MYO7B: variants seen among roughly 807,000 people sequenced by gnomAD.
MYO7B encodes myosin VIIB.
A neutral mutation model predicts 259.7 loss-of-function variants in MYO7B; 212 were observed. The observed-to-expected ratio is 0.82, with a 90% CI of 0.73 to 0.91. MYO7B has a LOEUF of 0.91. Among genes scored for constraint, MYO7B ranks in the 40% least tolerant of loss-of-function variants. The pLI, the probability that MYO7B is intolerant of heterozygous loss-of-function variation, is 0.00. For missense variants in MYO7B, 2,732 were observed against 2,813.5 expected (o/e 0.97, Z 0.66); for synonymous variants, 1,197 against 1,166.4 (o/e 1.03, Z -0.54).
intron 19 of MYO7B, among the ~76,000 whole-genome samples, chr2:127,601,346 T>C (rs1679957761): frequency 6.6e-6 from 1 of 152,236 alleles, no homozygotes; most frequent in Admixed American, 6.5e-5. Context: ...TGTTGGTTGA[T>C]AGAGGTGTTG....
At chr2:127,594,776 T>C (rs1220192770) in intron 18 of MYO7B, among the ~76,000 whole-genome samples, 2 of 152,246 alleles carry the variant, frequency 1.3e-5, no homozygotes, top group Admixed American at 6.5e-5. Context: ...GAATTACGTG[T>C]ATTGATTTGC....
In MYO7B at chr2:127,590,299, T is replaced by A; in HGVS notation, c.1992+70T>A. 2 of 1,599,404 alleles carry A rather than the reference T, an allele frequency of 1.3e-6. No homozygotes were observed. The highest frequency in any genetic ancestry group is 1.7e-6 in the Non-Finnish European group (2 of 1,170,908). On this transcript the variant is annotated intron_variant, in intron 16 of 47. Coordinates refer to ENST00000409816, the MANE Select transcript of MYO7B (RefSeq NM_001393586.1). This position sits in a 1 kb window ranked among gnomAD's most constrained non-coding sequence, Gnocchi z 4.6. ...AGGCTGATGGCCTCTAGGGTTGTGG[T>A]CACTCCCTCTGCCAGGGCCTGGCTA...
intron 1 of MYO7B, among the ~76,000 whole-genome samples, chr2:127,543,845 C>T (rs575707266): frequency 1.8e-3 from 280 of 151,822 alleles, no homozygotes; most frequent in Middle Eastern, 6.8e-3. Context: ...GCCGGGTTCA[C>T]GCCATTCTCC....
chr2:127,549,923 C>A (rs960005642), intron 1 of MYO7B, among the ~76,000 whole-genome samples: 8 of 152,192 alleles, frequency 5.3e-5, no homozygotes, highest in Non-Finnish European at 1.2e-4. Context: ...AAGGCAGAGA[C>A]AGGATTTCTG....
Position 127,588,286 on chromosome 2 carries a change from G to A in MYO7B, c.1691-106G>A, listed in dbSNP as rs1021318429. 4 of 1,309,232 alleles carry A rather than the reference G, an allele frequency of 3.1e-6. No individual in the cohort carries two copies. The African/African-American group carries it at 5.8e-5, about 19-fold the overall frequency. 81.1% of individuals were successfully genotyped at this position (1,309,232 alleles called of 1,614,324 possible). ...GGCCGTAGTGGGGCCATTGTAGGAG[G>A]GGGCTCCTCCACGCATCCTGTATTC... On this transcript the variant is annotated intron_variant, in intron 14 of 47. Transcript: ENST00000409816.
intron 35 of MYO7B, among the ~76,000 whole-genome samples, chr2:127,630,097 C>G (rs1681387786): frequency 6.6e-6 from 1 of 152,204 alleles, no homozygotes; most frequent in African/African-American, 2.4e-5. Flanking sequence ...CTTTCTCTGC[C>G]TCATTTACAC....
intron 2 of MYO7B, among the ~76,000 whole-genome samples, chr2:127,560,041 T>G (rs1678008874): frequency 6.6e-6 from 1 of 151,382 alleles, no homozygotes. Context: ...TTTTTTTTTT[T>G]TTTCAGACAG....
chr2:127,621,496 G>A (rs958188776), intron 27 of MYO7B, among the ~76,000 whole-genome samples: 8 of 152,106 alleles, frequency 5.3e-5, no homozygotes, highest in African/African-American at 1.4e-4. Flanking sequence ...CCTGACCTCA[G>A]GTGATCCTCC....
rs537335225 is a variant in MYO7B at position 127,622,192 on chromosome 2, G to A, written c.3645+91G>A. ...CAGCTCATGGGGTGCCTTCTCCTAG[G>A]ACAGAACTTTGTCCTCTGAGCCCCG... On this transcript the variant is annotated intron_variant, in intron 28 of 47. Coordinates refer to ENST00000409816, the MANE Select transcript of MYO7B (RefSeq NM_001393586.1). 2.8e-5 allele frequency: 41 copies of A among 1,445,406 alleles called. No individual in the cohort carries two copies. The African/African-American group carries it at 5.3e-4, about 19-fold the overall frequency. 89.5% of individuals were successfully genotyped at this position (1,445,406 alleles called of 1,614,324 possible).
chr2:127,630,779 G>A lies in MYO7B; in HGVS notation c.4808G>A (p.Ser1603Asn). 1 of 1,612,848 alleles carries A rather than the reference G, an allele frequency of 6.2e-7. No homozygotes were observed. Among genetic ancestry groups the A allele is most frequent in the South Asian group, 1.1e-5 (1 of 91,078 alleles). ...CCCACAGGCCTGTGCCCCCTTCAGA[G>A]CTTGCTTGCCATGTCACCAGAGAAG... ...TVTKPSAQLLSLLAMSPEKRK... is the reference protein window; with the variant it reads ...TVTKPSAQLLNLLAMSPEKRK... Residue 1603 changes from serine (S) to asparagine (N), a missense_variant and splice_region_variant, in exon 36 of 48, where the codon AGC (serine) becomes AAC (asparagine). This residue lies in a region of MYO7B where 821 missense variants were observed against 769.3 expected (regional missense o/e 1.07). Coordinates refer to ENST00000409816, the MANE Select transcript of MYO7B (RefSeq NM_001393586.1).
Position 127,632,378 on chromosome 2 carries a change from C to T in MYO7B, c.5382C>T (p.Ser1794=), listed in dbSNP as rs770887659. 2.5e-6 allele frequency: 4 copies of T among 1,576,466 alleles called. No individual in the cohort carries two copies. Among genetic ancestry groups the T allele is most frequent in the Non-Finnish European group, 3.4e-6 (4 of 1,160,814 alleles). ...GGAAGCTGCTGGCCCCCGACTGCAG[C>T]CGCCGAATCCAGAAGGTCCTGAGGT... ...RRGKLLAPDC[S]RRIQKVLRTG... The change falls in exon 39 of 48, where the codon AGC becomes AGT. Residue 1794 remains serine, a synonymous_variant. Transcript: ENST00000409816.
chr2:127,568,767 G>A (rs919351729), intron 5 of MYO7B, among the ~76,000 whole-genome samples: 3 of 151,892 alleles, frequency 2.0e-5, no homozygotes, highest in African/African-American at 7.3e-5. Flanking sequence ...CTTGGTGGCC[G>A]ACGCCTGTAA....
rs114486137 is a variant in MYO7B, at chr2:127,620,003, G to A, written c.3399-337G>A. 1.1e-3 allele frequency: 207 copies of A among 183,702 alleles called. 1 individual carries two copies. The highest frequency in any genetic ancestry group is 4.2e-3 in the African/African-American group (179 of 42,902). 11.4% of individuals were successfully genotyped at this position (183,702 alleles called of 1,614,324 possible). A position where few individuals can be genotyped will look rare whatever the true frequency, so the allele number is the denominator to read the frequency against. On this transcript the variant is annotated intron_variant, in intron 26 of 47. Transcript: ENST00000409816. ...AGAGAGAGAAATGACTGTAATCACC[G>A]TGAGACTGGGGATCCCGCACATCTG...
In MYO7B at chr2:127,608,718, T is replaced by G. The variant is rs1680256262; in HGVS notation, c.2654T>G (p.Val885Gly). ...CCACGGGGTATGCAGGCGCCGCTGG[T>G]CATCCCGGCCGAGGGGCAGAAAAGC... is the stretch of plus-strand genomic sequence containing the variant. ...FQQRKANAPLVIPAEGQKSQG... is the reference protein window; with the variant it reads ...FQQRKANAPLGIPAEGQKSQG... Residue 885 changes from valine (V) to glycine (G), a missense_variant, in exon 22 of 48, where the codon GTC becomes GGC. Physicochemically the swap from Val to Gly is moderately radical, Grantham distance 109 (BLOSUM62 -3). Around this residue, in one of 3 missense-constraint regions of MYO7B, gnomAD observed 1,906 missense variants for 2,026.4 expected, o/e 0.94. Coordinates refer to ENST00000409816, the MANE Select transcript of MYO7B (RefSeq NM_001393586.1). The G allele has an allele frequency of 6.2e-7, 1 of 1,611,544 alleles. No homozygotes were observed. Among genetic ancestry groups the G allele is most frequent in the Admixed American group, 1.7e-5 (1 of 59,952 alleles).
chr2:127,637,081 G>GCCAAGGTGGCA, intron 47 of MYO7B, 168 bp downstream of exon 47: 1 of 1,272,676 alleles, frequency 7.9e-7, no homozygotes. Context: ...AGGACCAGCA[G>GCCAAGGTGGCA]CCAAGGTGGC....
At chr2:127,574,543 A>G (rs1231355225) in intron 7 of MYO7B, among the ~76,000 whole-genome samples, 1 of 152,212 alleles carries the variant, frequency 6.6e-6, no homozygotes, top group Non-Finnish European at 1.5e-5. Context: ...CTGTCTCAAA[A>G]AAGACTTTTC....
chr2:127,540,545 C>A (rs752884861), intron 1 of MYO7B, among the ~76,000 whole-genome samples: 37 of 152,196 alleles, frequency 2.4e-4, no homozygotes, highest in Non-Finnish European at 4.9e-4. Flanking sequence ...AGGAATATCC[C>A]TACTGTTTTC....
intron 4 of MYO7B, among the ~76,000 whole-genome samples, chr2:127,565,704 G>A (rs1678306236): frequency 6.6e-6 from 1 of 152,240 alleles, no homozygotes; most frequent in African/African-American, 2.4e-5. Flanking sequence ...TAGAGACAGA[G>A]TCACTAGACA....
At chr2:127,547,364 T>C (rs1440323133) in intron 1 of MYO7B, among the ~76,000 whole-genome samples, 1 of 152,170 alleles carries the variant, frequency 6.6e-6, no homozygotes, top group East Asian at 1.9e-4. Flanking sequence ...TGTCTGTGCC[T>C]GTGTGTGTGT....
Sources: allele counts gnomAD v4.1 joint callset (sites outside exome capture counted in the v4.1 genomes callset), GRCh38; gene constraint gnomAD v4.1.1; regional missense constraint gnomAD v4.1.1; non-coding constraint Gnocchi (gnomAD v3.1); transcripts MANE v1.5; gene names NCBI Gene and HGNC (gene_info 2026-07-23, HGNC 2026-07-21).